The following CALN1 variants were observed in gnomAD, a reference collection of about 807,000 sequenced individuals.
CALN1 encodes the protein calcium-binding protein 8.
Under a neutral mutation model 30.6 loss-of-function variants are expected in CALN1, and 17 were observed. The ratio of observed to expected loss-of-function variants is 0.56; its 90% CI spans 0.38 to 0.83. The LOEUF is 0.83. Among genes scored for constraint, CALN1 ranks in the 40% least tolerant of loss-of-function variants. The pLI is 0.00. For missense variants in CALN1, 291 were observed against 354.9 expected, an observed-to-expected ratio of 0.82 and a Z score of 1.45; for synonymous variants, 156 against 131.4, an observed-to-expected ratio of 1.19 and a Z score of -1.28.
chr7:72,125,847 G>T (rs1175741767), intron 3 of CALN1, among the ~76,000 whole-genome samples: 2 of 140,068 alleles, frequency 1.4e-5, no homozygotes, highest in East Asian at 3.9e-4. Flanking sequence ...TGTCGCCCAG[G>T]CTAGAGTGCA....
intron 2 of CALN1, among the ~76,000 whole-genome samples, chr7:72,315,720 T>G (rs765924697): frequency 6.6e-6 from 1 of 151,008 alleles, no homozygotes; most frequent in Non-Finnish European, 1.5e-5. Flanking sequence ...AAAAAAAAAA[T>G]TTCAAAAAAC....
chr7:72,185,806 C>G (rs1790147122), intron 3 of CALN1, among the ~76,000 whole-genome samples: 1 of 152,228 alleles, frequency 6.6e-6, no homozygotes, highest in Non-Finnish European at 1.5e-5. Flanking sequence ...CTCATTCTCT[C>G]TTTGCCTGCT....
chr7:72,403,398 G>C lies in CALN1; in HGVS notation c.-29C>G, dbSNP rs1186013031. ...GGGTCCAGGGCGATGTTCTCAGAGAGAGTTAGAAGCTCATCAAAGGAACGT... is the reference window on the plus strand; with the variant it reads ...GGGTCCAGGGCGATGTTCTCAGAGACAGTTAGAAGCTCATCAAAGGAACGT... On this transcript the variant is annotated 5_prime_UTR_variant, in exon 2 of 7. Transcript: ENST00000395275. 6.6e-7 allele frequency: 1 copy of C among 1,522,350 alleles called. No individual in the cohort carries two copies. The highest frequency in any genetic ancestry group is 8.8e-7 in the Non-Finnish European group (1 of 1,130,872). The allele number at this position is 1,522,350 out of a possible 1,614,324, so 94.3% of individuals were successfully genotyped here. A position where few individuals can be genotyped will look rare whatever the true frequency, so the allele number is the denominator to read the frequency against.
chr7:72,027,726 A>AACACACACAAAC (rs1801158405), intron 4 of CALN1, among the ~76,000 whole-genome samples: 1 of 143,222 alleles, frequency 7.0e-6, no homozygotes, highest in Non-Finnish European at 1.5e-5. Context: ...CAAACAAACA[A>AACACACACAAAC]ACACACACAC....
At chr7:72,500,187 C>T in the CALN1 span, among the ~76,000 whole-genome samples, 1 of 148,656 alleles carries the variant, frequency 6.7e-6, no homozygotes, top group East Asian at 2.1e-4. Flanking sequence ...GCTGGGATTA[C>T]AGATGTGAGC....
At chr7:71,922,153 A>T (rs955353281) in intron 5 of CALN1, among the ~76,000 whole-genome samples, 1 of 152,210 alleles carries the variant, frequency 6.6e-6, no homozygotes, top group Admixed American at 6.5e-5. Context: ...GACAAGCACT[A>T]TGAGCAAATA....
intron 2 of CALN1, among the ~76,000 whole-genome samples, chr7:72,374,195 G>A (rs1804409107): frequency 6.6e-6 from 1 of 152,156 alleles, no homozygotes; most frequent in Non-Finnish European, 1.5e-5. Flanking sequence ...CAAAATAAAA[G>A]GAAATATCTA....
intron 5 of CALN1, among the ~76,000 whole-genome samples, chr7:71,947,867 G>A (rs1480048420): frequency 6.6e-6 from 1 of 151,638 alleles, no homozygotes; most frequent in Non-Finnish European, 1.5e-5. Flanking sequence ...TTGAACCTGG[G>A]AGGCAGAGGT....
intron 3 of CALN1, among the ~76,000 whole-genome samples, chr7:72,234,201 A>G (rs577203221): frequency 6.6e-6 from 1 of 152,282 alleles, no homozygotes; most frequent in South Asian, 2.1e-4. Context: ...GTAAAGCAGG[A>G]TTAGAACCCT....
At chr7:72,399,307 T>C (rs1206025136) in intron 2 of CALN1, among the ~76,000 whole-genome samples, 1 of 129,714 alleles carries the variant, frequency 7.7e-6, no homozygotes, top group Non-Finnish European at 1.5e-5. Flanking sequence ...AGTCTCACTC[T>C]GTCACCAGGC....
chr7:72,187,002 A>G (rs763309833), intron 3 of CALN1, among the ~76,000 whole-genome samples: 1 of 151,468 alleles, frequency 6.6e-6, no homozygotes, highest in African/African-American at 2.4e-5. Context: ...GGACAGGGCA[A>G]GTAGGGGAGT....
At chr7:72,196,613 C>T (rs955186449) in intron 3 of CALN1, among the ~76,000 whole-genome samples, 11 of 152,186 alleles carry the variant, frequency 7.2e-5, no homozygotes, top group South Asian at 2.1e-4. Context: ...AATTCTTTAA[C>T]GAAGAAAAAG....
chr7:71,795,544 C>T (rs1001150732), intron 6 of CALN1, among the ~76,000 whole-genome samples: 9 of 152,134 alleles, frequency 5.9e-5, no homozygotes, highest in African/African-American at 9.7e-5. Context: ...AACACATTCG[C>T]GAGATTGCGC....
At chr7:72,458,204 A>T in the CALN1 span, among the ~76,000 whole-genome samples, 68 of 100,104 alleles carry the variant, frequency 6.8e-4, no homozygotes, top group South Asian at 1.2e-3. Context: ...ATAATATATA[A>T]TATATTTTAT....
At chr7:72,182,676 T>C (rs1585110364) in intron 3 of CALN1, among the ~76,000 whole-genome samples, 1 of 150,942 alleles carries the variant, frequency 6.6e-6, no homozygotes, top group South Asian at 2.1e-4. Context: ...GCCGAGATCG[T>C]GCCACTGCAC....
rs1021243597 is a variant in CALN1 at position 72,215,369 on chromosome 7, A to G, written c.244+63317T>C. ...AGCACTTTGGGAGGCCGAGGTGGGC[A>G]GATCACCTGAGGTCAGGAGTTCGAG... On this transcript the variant is annotated intron_variant, in intron 3 of 6. Coordinates refer to ENST00000395275, the MANE Select transcript of CALN1 (RefSeq NM_031468.4). 1.4e-4 allele frequency among the ~76,000 whole-genome samples: 21 copies of G among 152,226 alleles called. No individual in the cohort carries two copies. The East Asian group carries it at 4.1e-3, about 29-fold the overall frequency.
chr7:71,915,961 G>A lies in CALN1; in HGVS notation c.502-105469C>T, dbSNP rs371682674. Among the ~76,000 whole-genome samples, 5 of 152,234 alleles carry A rather than the reference G, an allele frequency of 3.3e-5. No individual in the cohort carries two copies. In the East Asian group the frequency reaches 9.7e-4, roughly 29 times the overall value. On this transcript the variant is annotated intron_variant, in intron 5 of 6. Coordinates refer to ENST00000395275, the MANE Select transcript of CALN1 (RefSeq NM_031468.4). ...AAAATGTCACAACCCAAGCCCCACC[G>A]TTTCTGGAAATGACTTAGAGCAACA... is the stretch of plus-strand genomic sequence containing the variant.
At chr7:72,030,197 AAC>A (rs1801344924) in intron 4 of CALN1, among the ~76,000 whole-genome samples, 1 of 152,030 alleles carries the variant, frequency 6.6e-6, no homozygotes, top group African/African-American at 2.4e-5. Flanking sequence ...GTATTGGGAA[AAC>A]AGTCTTCTTT....
chr7:71,974,183 C>T lies in CALN1; in HGVS notation c.501+49474G>A, dbSNP rs558243137. On this transcript the variant is annotated intron_variant, in intron 5 of 6. Coordinates refer to ENST00000395275, the MANE Select transcript of CALN1 (RefSeq NM_031468.4). ...CTGTAATCCCAGCACTTTGGGAGGCCGAGGCAGGTGGATCACCTGAGGTCA... is the reference window on the plus strand; with the variant it reads ...CTGTAATCCCAGCACTTTGGGAGGCTGAGGCAGGTGGATCACCTGAGGTCA... Among the ~76,000 whole-genome samples the T allele has an allele frequency of 6.6e-5, 10 of 151,992 alleles. No homozygotes were observed. The East Asian group carries it at 1.6e-3, about 24-fold the overall frequency.
Sources: allele counts gnomAD v4.1 joint callset (sites outside exome capture counted in the v4.1 genomes callset), GRCh38; gene constraint gnomAD v4.1.1; transcripts MANE v1.5; gene names NCBI Gene and HGNC (gene_info 2026-07-23, HGNC 2026-07-21).